The following TNR variants were observed in gnomAD, a reference collection of about 807,000 sequenced individuals.
TNR encodes tenascin-R.
In TNR, 45 loss-of-function variants were observed where a neutral mutation model predicts 150.4. The observed-to-expected ratio is 0.30, with a 90% CI of 0.24 to 0.38. The LOEUF (loss-of-function observed/expected upper bound fraction) is 0.38. Ranked by LOEUF, TNR falls within the 10% of genes least tolerant of loss-of-function variation. The probability of loss-of-function intolerance (pLI) is 1.00; values close to 1 mark genes in which losing one functional copy is unlikely to be tolerated. For synonymous variants in TNR, 687 were observed against 678.4 expected, an observed-to-expected ratio of 1.01 and a Z score of -0.20; for missense variants, 1,544 against 1,759.1, an observed-to-expected ratio of 0.88 and a Z score of 2.19.
At chr1:175,675,565 G>C (rs1665833392) in intron 1 of TNR, among the ~76,000 whole-genome samples, 1 of 152,238 alleles carries the variant, frequency 6.6e-6, no homozygotes, top group Non-Finnish European at 1.5e-5. Flanking sequence ...GCATGCAGAA[G>C]CATGTAAGGT....
intron 1 of TNR, among the ~76,000 whole-genome samples, chr1:175,566,639 C>A (rs1249419767): frequency 6.6e-6 from 1 of 152,240 alleles, no homozygotes; most frequent in African/African-American, 2.4e-5. Context: ...TTTTCAGAAA[C>A]ATGACTCCTA....
intron 2 of TNR, among the ~76,000 whole-genome samples, chr1:175,514,097 T>C (rs1314936092): frequency 1.3e-5 from 2 of 152,222 alleles, no homozygotes; most frequent in Non-Finnish European, 2.9e-5. Context: ...GTGAATATGC[T>C]ACCTTATATA....
intron 1 of TNR, among the ~76,000 whole-genome samples, chr1:175,558,186 T>C (rs1306712376): frequency 4.3e-5 from 6 of 138,618 alleles, no homozygotes; most frequent in Non-Finnish European, 7.7e-5. Flanking sequence ...GACGAGTTAG[T>C]GGGTGCAGCG....
chr1:175,661,501 T>C (rs1417841531), intron 1 of TNR, among the ~76,000 whole-genome samples: 1 of 152,120 alleles, frequency 6.6e-6, no homozygotes, highest in South Asian at 2.1e-4. Flanking sequence ...GGTTGGGCCT[T>C]GAGAGAAAAG....
chr1:175,645,222 C>T (rs1180686083), intron 1 of TNR, among the ~76,000 whole-genome samples: 1 of 152,084 alleles, frequency 6.6e-6, no homozygotes, highest in Non-Finnish European at 1.5e-5. Context: ...CTATTTTAAT[C>T]AACATACAAT....
At chr1:175,666,964 G>A (rs72725496) in intron 1 of TNR, among the ~76,000 whole-genome samples, 10,255 of 152,068 alleles carry the variant, frequency 0.067, 450 homozygotes, top group East Asian at 0.13. Flanking sequence ...TATTAACCTG[G>A]GTGGTCTTGA....
chr1:175,563,307 C>T (rs1157919779), intron 1 of TNR, among the ~76,000 whole-genome samples: 1 of 152,210 alleles, frequency 6.6e-6, no homozygotes, highest in Non-Finnish European at 1.5e-5. Context: ...AAAAAGTTTT[C>T]AAAGCAGTCA....
intron 13 of TNR, 100 bp downstream of exon 13, chr1:175,363,608 A>G (rs1339796856): frequency 1.4e-6 from 2 of 1,473,002 alleles, no homozygotes; most frequent in East Asian, 4.8e-5. Flanking sequence ...AGAGAAGAGG[A>G]AAAACGCAGG....
intron 2 of TNR, among the ~76,000 whole-genome samples, chr1:175,420,787 C>A (rs1017484597): frequency 1.3e-5 from 2 of 152,106 alleles, no homozygotes; most frequent in African/African-American, 2.4e-5. Flanking sequence ...GATAACAAGC[C>A]ATGAAGTTGG....
At chr1:175,657,881 A>ATATATATATATATATATATATATGTG (rs1665238596) in intron 1 of TNR, among the ~76,000 whole-genome samples, 1 of 102,904 alleles carries the variant, frequency 9.7e-6, no homozygotes, top group Non-Finnish European at 2.2e-5. Flanking sequence ...ATATATATAT[A>ATATATATATATATATATATATATGTG]TATGTAACAA....
intron 1 of TNR, among the ~76,000 whole-genome samples, chr1:175,649,812 A>G (rs927999188): frequency 2.6e-5 from 4 of 152,218 alleles, no homozygotes; most frequent in African/African-American, 7.2e-5. Flanking sequence ...CCCACTCTTC[A>G]TGAACATGTG....
intron 1 of TNR, among the ~76,000 whole-genome samples, chr1:175,602,572 C>G (rs1027460524): frequency 8.5e-5 from 13 of 152,246 alleles, no homozygotes; most frequent in African/African-American, 3.1e-4. Flanking sequence ...AATTTACGGA[C>G]ACTGCACTGT....
At chr1:175,700,909 C>T (rs754270022) in intron 1 of TNR, among the ~76,000 whole-genome samples, 14 of 152,224 alleles carry the variant, frequency 9.2e-5, no homozygotes. Flanking sequence ...TCAAAGCCTT[C>T]GTCCGCCTCC....
At chr1:175,530,367 C>A (rs928344155) in intron 1 of TNR, among the ~76,000 whole-genome samples, 3 of 152,158 alleles carry the variant, frequency 2.0e-5, no homozygotes, top group Non-Finnish European at 4.4e-5. Flanking sequence ...TCTGGGCTGC[C>A]CCCAGGGAGA....
intron 2 of TNR, among the ~76,000 whole-genome samples, chr1:175,438,723 A>G (rs1372455878): frequency 6.6e-6 from 1 of 152,228 alleles, no homozygotes; most frequent in African/African-American, 2.4e-5. Flanking sequence ...AAGCATTCTT[A>G]TAAACCAATA....
chr1:175,386,374 C>G, intron 7 of TNR, 73 bp from the exon 8 acceptor site: 1 of 1,448,114 alleles, frequency 6.9e-7, no homozygotes, highest in Non-Finnish European at 9.1e-7. Context: ...TCTCTCTTTT[C>G]CTCCTTATGG....
intron 2 of TNR, among the ~76,000 whole-genome samples, chr1:175,416,962 T>C (rs896670451): frequency 1.4e-5 from 2 of 141,644 alleles, no homozygotes; most frequent in Non-Finnish European, 3.1e-5. Context: ...GAGCCAAGAT[T>C]GCGCCACTGC....
intron 1 of TNR, among the ~76,000 whole-genome samples, chr1:175,689,722 T>C (rs1046920998): frequency 6.6e-6 from 1 of 152,206 alleles, no homozygotes; most frequent in African/African-American, 2.4e-5. Flanking sequence ...TTAATGGCAC[T>C]GCCAACAGCA....
intron 1 of TNR, among the ~76,000 whole-genome samples, chr1:175,559,482 G>A (rs1413528008): frequency 1.3e-5 from 2 of 151,964 alleles, no homozygotes; most frequent in African/African-American, 4.8e-5. Flanking sequence ...ATACTACCTA[G>A]CCCTCCCTTT....
Sources: allele counts gnomAD v4.1 joint callset (sites outside exome capture counted in the v4.1 genomes callset), GRCh38; gene constraint gnomAD v4.1.1; transcripts MANE v1.5; gene names NCBI Gene and HGNC (gene_info 2026-07-23, HGNC 2026-07-21).